Variants in PRKAG2 observed in about 807,000 individuals in gnomAD.
PRKAG2 encodes the protein protein kinase AMP-activated non-catalytic subunit gamma 2.
A neutral mutation model predicts 69.6 loss-of-function variants in PRKAG2; 26 were observed. The observed-to-expected ratio is 0.37, with a 90% confidence interval of 0.27 to 0.52. The LOEUF is 0.52. Among genes scored for constraint, PRKAG2 ranks in the 20% least tolerant of loss-of-function variants. PRKAG2 has a pLI of 0.90. For synonymous variants in PRKAG2, 293 were observed against 285.0 expected, an observed-to-expected ratio of 1.03 and a Z score of -0.28; for missense variants, 557 against 740.0, an observed-to-expected ratio of 0.75 and a Z score of 2.87.
At chr7:151,618,719 C>G (rs773756041) in intron 5 of PRKAG2, among the ~76,000 whole-genome samples, 3 of 152,092 alleles carry the variant, frequency 2.0e-5, no homozygotes, top group Non-Finnish European at 1.5e-5. Context: ...GAGCTGAGAT[C>G]GCACCATTGC....
rs369358257 is a variant in PRKAG2, at chr7:151,753,553, G to A, written c.466+27599C>T. On this transcript the variant is annotated intron_variant, in intron 3 of 15. Coordinates refer to ENST00000287878, the MANE Select transcript of PRKAG2 (RefSeq NM_016203.4). ...GTATTATTTTTGTGACTTTATGTTT[G>A]AAATTGTCAAAATAAAATGTTATTT... 2.2e-4 allele frequency among the ~76,000 whole-genome samples: 34 copies of A among 152,180 alleles called. No homozygotes were observed. In the East Asian group the frequency reaches 5.3e-3, roughly 24 times the overall value.
intron 1 of PRKAG2, among the ~76,000 whole-genome samples, chr7:151,790,967 G>A (rs1421972316): frequency 1.3e-5 from 2 of 152,246 alleles, no homozygotes; most frequent in East Asian, 3.8e-4. Flanking sequence ...GCTGCCCGGA[G>A]TGGTGGAGGC....
intron 5 of PRKAG2, among the ~76,000 whole-genome samples, chr7:151,596,824 G>A (rs1814659206): frequency 6.6e-6 from 1 of 152,114 alleles, no homozygotes; most frequent in African/African-American, 2.4e-5. Flanking sequence ...TGTGTTCATG[G>A]ATTGGAAGAA....
intron 5 of PRKAG2, among the ~76,000 whole-genome samples, chr7:151,611,771 G>C (rs933229636): frequency 1.3e-5 from 2 of 152,102 alleles, no homozygotes; most frequent in African/African-American, 2.4e-5. Flanking sequence ...AAGCAGTCTC[G>C]GGCCGGGCAC....
At chr7:151,793,233 A>G (rs985919480) in intron 1 of PRKAG2, among the ~76,000 whole-genome samples, 1 of 152,040 alleles carries the variant, frequency 6.6e-6, no homozygotes, top group African/African-American at 2.4e-5. Context: ...AAGACTCTCC[A>G]CTGCTCTCAG....
intron 1 of PRKAG2, among the ~76,000 whole-genome samples, chr7:151,862,163 A>G (rs1008069100): frequency 2.0e-5 from 3 of 150,828 alleles, no homozygotes; most frequent in African/African-American, 7.3e-5. Context: ...CCATCCCGCC[A>G]TGGCAGATGC....
chr7:151,708,094 AAGT>A (rs1237210857), intron 3 of PRKAG2, among the ~76,000 whole-genome samples: 1 of 152,172 alleles, frequency 6.6e-6, no homozygotes, highest in Non-Finnish European at 1.5e-5. Context: ...GGGGAAATGG[AAGT>A]AGGAAGAGAT....
chr7:151,590,312 G>A (rs2151108164), intron 6 of PRKAG2, among the ~76,000 whole-genome samples: 1 of 152,362 alleles, frequency 6.6e-6, no homozygotes, highest in Admixed American at 6.5e-5. Context: ...TCCCCAGAGA[G>A]TCTATTTCTT....
chr7:151,596,876 T>G (rs1264433103), intron 5 of PRKAG2, among the ~76,000 whole-genome samples: 1 of 152,108 alleles, frequency 6.6e-6, no homozygotes, highest in African/African-American at 2.4e-5. Context: ...ATCTACAGAT[T>G]CAATGCAATG....
chr7:151,651,762 A>G (rs1440823687), intron 4 of PRKAG2, among the ~76,000 whole-genome samples: 2 of 152,228 alleles, frequency 1.3e-5, no homozygotes, highest in Non-Finnish European at 2.9e-5. Context: ...GGGTTCATCC[A>G]TGTTGTCACA....
chr7:151,732,751 G>A (rs1799160381), intron 3 of PRKAG2, among the ~76,000 whole-genome samples: 1 of 152,138 alleles, frequency 6.6e-6, no homozygotes, highest in Non-Finnish European at 1.5e-5. Context: ...AGAGTGCAAT[G>A]GCATAATCTT....
At chr7:151,651,452 C>T (rs528035512) in intron 4 of PRKAG2, among the ~76,000 whole-genome samples, 2 of 152,140 alleles carry the variant, frequency 1.3e-5, no homozygotes, top group East Asian at 3.9e-4. Context: ...ACTAAAAATA[C>T]AAAAATTAGC....
intron 15 of PRKAG2, chr7:151,559,088 C>T: frequency 2.0e-6 from 2 of 985,370 alleles, no homozygotes; most frequent in Non-Finnish European, 2.4e-6. Context: ...AGAGAAGAGG[C>T]CTTTTCTAGT....
In PRKAG2 at chr7:151,753,234, G is replaced by A. The variant is rs910313736; in HGVS notation, c.466+27918C>T. Among the ~76,000 whole-genome samples the A allele has an allele frequency of 3.3e-5, 5 of 152,204 alleles. No individual in the cohort carries two copies. In the East Asian group the frequency reaches 5.8e-4, roughly 18 times the overall value. ...GAGGTCTCCTCTTCCAAGAAATGACGCCCCTGAGACAAGGCACAAAATGTG... is the reference window on the plus strand; with the variant it reads ...GAGGTCTCCTCTTCCAAGAAATGACACCCCTGAGACAAGGCACAAAATGTG... On this transcript the variant is annotated intron_variant, in intron 3 of 15. Coordinates refer to ENST00000287878, the MANE Select transcript of PRKAG2 (RefSeq NM_016203.4).
At chr7:151,656,922 A>T (rs999620648) in intron 4 of PRKAG2, among the ~76,000 whole-genome samples, 2 of 152,100 alleles carry the variant, frequency 1.3e-5, no homozygotes, top group African/African-American at 4.8e-5. Flanking sequence ...GGATCACTTG[A>T]GGTCAGGAGT....
At chr7:151,612,893 C>T (rs1459227302) in intron 5 of PRKAG2, among the ~76,000 whole-genome samples, 2 of 152,210 alleles carry the variant, frequency 1.3e-5, no homozygotes, top group South Asian at 2.1e-4. Flanking sequence ...GGTGGGGCAG[C>T]GACCTTCATT....
intron 5 of PRKAG2, chr7:151,631,580 T>C (rs1563302726): frequency 2.3e-6 from 1 of 427,306 alleles, no homozygotes; most frequent in African/African-American, 2.0e-5. Context: ...ACCGATTCAA[T>C]AACCTCTTCA....
chr7:151,816,878 TGGAAA>T (rs2078657426), intron 1 of PRKAG2, among the ~76,000 whole-genome samples: 1 of 152,186 alleles, frequency 6.6e-6, no homozygotes, highest in South Asian at 2.1e-4. Flanking sequence ...TTGGAAAAGC[TGGAAA>T]TGTCAGAGAA....
chr7:151,708,241 G>A (rs767015653), intron 3 of PRKAG2, among the ~76,000 whole-genome samples: 52 of 107,334 alleles, frequency 4.8e-4, no homozygotes, highest in Admixed American at 3.5e-3. Flanking sequence ...AAGGAAAGTC[G>A]GATGAATCTT....
Sources: gnomAD v4.1 joint callset for allele counts (sites outside exome capture counted in the v4.1 genomes callset) on GRCh38, gnomAD v4.1.1 for gene constraint, MANE v1.5 for transcripts, NCBI Gene and HGNC (gene_info 2026-07-23, HGNC 2026-07-21) for gene names.